The following LRRC19 variants were observed in gnomAD, a reference collection of about 807,000 sequenced individuals.
LRRC19 encodes leucine-rich repeat-containing protein 19.
In LRRC19, 33 loss-of-function variants were observed where a neutral mutation model predicts 33.3. The observed-to-expected ratio is 0.99, with a 90% confidence interval of 0.75 to 1.33. LRRC19 has a LOEUF of 1.33. LRRC19 is among the 40% of genes most tolerant of loss of function. The pLI, the probability that LRRC19 is intolerant of heterozygous loss-of-function variation, is 0.00. For synonymous variants in LRRC19, 184 were observed against 152.3 expected (o/e 1.21, Z -1.53); for missense variants, 463 against 417.3 (o/e 1.11, Z -0.95).
At chr9:26,997,143 C>T (rs1004696972) in intron 3 of LRRC19, among the ~76,000 whole-genome samples, 42 of 150,720 alleles carry the variant, frequency 2.8e-4, no homozygotes, top group African/African-American at 9.7e-4. Flanking sequence ...ACCTGGGAGG[C>T]GGAGGTTGTG....
Position 27,000,316 on chromosome 9 carries a change from A to T in LRRC19, c.-9-613T>A, listed in dbSNP as rs1487716535. Among the ~76,000 whole-genome samples, 3 of 152,340 alleles carry T rather than the reference A, an allele frequency of 2.0e-5. 1 individual carries two copies. In the Middle Eastern group the frequency reaches 0.01, roughly 518 times the overall value. ...TGTAAATTTTAAAAATTTAATATAG[A>T]AGTGCACAAAAGAAATTCAGGAAAA... On this transcript the variant is annotated intron_variant, in intron 1 of 4. Coordinates refer to ENST00000380055, the MANE Select transcript of LRRC19 (RefSeq NM_022901.3).
intron 1 of LRRC19, among the ~76,000 whole-genome samples, chr9:27,001,135 T>G (rs113957211): frequency 1.1e-3 from 175 of 152,316 alleles, no homozygotes; most frequent in African/African-American, 3.9e-3. Context: ...ATGACAGGAT[T>G]TCATTTGTTT....
chr9:26,997,356 C>CA (rs1828216688), intron 3 of LRRC19, among the ~76,000 whole-genome samples: 1 of 111,628 alleles, frequency 9.0e-6, no homozygotes, highest in Non-Finnish European at 1.7e-5. Flanking sequence ...TTTTTTGAGA[C>CA]AGAGTCTCAC....
At chr9:27,001,932 CT>C (rs1374208902) in intron 1 of LRRC19, among the ~76,000 whole-genome samples, 1 of 139,560 alleles carries the variant, frequency 7.2e-6, no homozygotes, top group African/African-American at 2.6e-5. Context: ...CCAACGTTTT[CT>C]TTTTTTCTCT....
In LRRC19 at chr9:26,999,689, T is replaced by G; in HGVS notation, c.6A>C (p.Lys2Asn). 6.2e-7 allele frequency: 1 copy of G among 1,607,744 alleles called. No individual in the cohort carries two copies. The highest frequency in any genetic ancestry group is 8.5e-7 in the Non-Finnish European group (1 of 1,176,644). The change falls in exon 2 of 5, where the codon AAA (lysine) becomes AAC (asparagine). Residue 2 changes from lysine to asparagine, a missense_variant. By Grantham distance (94) the Lys-to-Asn change is moderately conservative (BLOSUM62 0). Coordinates refer to ENST00000380055, the MANE Select transcript of LRRC19 (RefSeq NM_022901.3). M[K>N]VTGITILFWP... ...AAAAGAGGATTGTGATGCCTGTGAC[T>G]TTCATGTTGCAGACCTGATAGAAAA...
At chr9:27,001,274 C>T (rs928832783) in intron 1 of LRRC19, among the ~76,000 whole-genome samples, 1 of 152,186 alleles carries the variant, frequency 6.6e-6, no homozygotes, top group East Asian at 1.9e-4. Context: ...CATGGGAGTG[C>T]AGCTATCTCT....
rs778578642 is a variant in LRRC19, at chr9:26,995,828, C to A, written c.806G>T (p.Ser269Ile). 21 of 1,603,338 alleles carry A rather than the reference C, an allele frequency of 1.3e-5. No individual in the cohort carries two copies. In the East Asian group the frequency reaches 4.5e-4, roughly 34 times the overall value. Residue 269 changes from serine to isoleucine, a missense_variant, in exon 5 of 5, where the codon AGT (serine) becomes ATT (isoleucine). By Grantham distance (142) the Ser-to-Ile change is moderately radical. Transcript: ENST00000380055. ...AACAACACCAACAAGAAAAGCCCAA[C>A]TTTTTCCAAGAGGTTCATGTTCTTT... ...RNSEHEPLGKSWAFLVGVVVT... is the reference protein window; with the variant it reads ...RNSEHEPLGKIWAFLVGVVVT...
Position 26,995,246 on chromosome 9 carries a change from C to G in LRRC19, c.*275G>C, listed in dbSNP as rs1428778631. On this transcript the variant is annotated 3_prime_UTR_variant, in exon 5 of 5. Transcript: ENST00000380055. ...ATTTTAATTCATGAATAATTTAGACCTTTTTACTAGTTCGTATGGTCACCC... is the reference window on the plus strand; with the variant it reads ...ATTTTAATTCATGAATAATTTAGACGTTTTTACTAGTTCGTATGGTCACCC... 2 of 225,694 alleles carry G rather than the reference C, an allele frequency of 8.9e-6. No individual in the cohort carries two copies. The highest frequency in any genetic ancestry group is 9.4e-5 in the East Asian group (1 of 10,658). 14.0% of individuals were successfully genotyped at this position (225,694 alleles called of 1,614,324 possible).
intron 1 of LRRC19, among the ~76,000 whole-genome samples, chr9:27,005,121 A>G (rs1828699961): frequency 6.6e-6 from 1 of 152,092 alleles, no homozygotes; most frequent in Admixed American, 6.5e-5. Flanking sequence ...TTATTTAACT[A>G]TTGTGTAGAT....
rs1828640744 is a variant in LRRC19 at position 27,003,940 on chromosome 9, T to C, written c.-10+1652A>G. Among the ~76,000 whole-genome samples, 5 of 152,330 alleles carry C rather than the reference T, an allele frequency of 3.3e-5. No individual in the cohort carries two copies. In the South Asian group the frequency reaches 1.0e-3, roughly 32 times the overall value. ...GCTCCTTCAATGGCTTGTTTCAGTA[T>C]TTCTCAATGATGTGGTGAAATTCTT... is the stretch of plus-strand genomic sequence containing the variant. On this transcript the variant is annotated intron_variant, in intron 1 of 4. Coordinates refer to ENST00000380055, the MANE Select transcript of LRRC19 (RefSeq NM_022901.3).
chr9:26,994,204 G>C lies in LRRC19; in HGVS notation c.*1317C>G, dbSNP rs1260875845. The stretch of plus-strand genomic sequence containing the variant: ...TTAATACTTTGCTCTTGAATAATCA[G>C]AGAGCAGTTTAGCTTAGTAAAGTTT... On this transcript the variant is annotated 3_prime_UTR_variant, in exon 5 of 5. Coordinates refer to ENST00000380055, the MANE Select transcript of LRRC19 (RefSeq NM_022901.3). The C allele has an allele frequency of 6.6e-6, 1 of 152,264 alleles. No homozygotes were observed. Among genetic ancestry groups the C allele is most frequent in the Middle Eastern group, 3.4e-3 (1 of 294 alleles). The allele number at this position is 152,264 out of a possible 1,614,324, so 9.4% of individuals were successfully genotyped here.
chr9:27,003,102 A>G (rs1053093074), intron 1 of LRRC19, among the ~76,000 whole-genome samples: 1 of 152,148 alleles, frequency 6.6e-6, no homozygotes, highest in Non-Finnish European at 1.5e-5. Context: ...CACTGTTGGC[A>G]TATCTAAATT....
At chr9:27,001,531 T>A (rs1321629688) in intron 1 of LRRC19, among the ~76,000 whole-genome samples, 1 of 152,176 alleles carries the variant, frequency 6.6e-6, no homozygotes, top group African/African-American at 2.4e-5. Context: ...ATCATTGTAG[T>A]TTTGATTTGC....
In LRRC19 at chr9:26,993,838, A is replaced by G; in HGVS notation, c.*1683T>C. On this transcript the variant is annotated 3_prime_UTR_variant, in exon 5 of 5. Transcript: ENST00000380055. The stretch of plus-strand genomic sequence containing the variant: ...TCCATTCCACGTGTTATAATGAAGA[A>G]AATACCAGAAATATTATTTCACCCA... The G allele has an allele frequency of 6.6e-6, 1 of 152,196 alleles. No homozygotes were observed. The highest frequency in any genetic ancestry group is 1.9e-4 in the East Asian group (1 of 5,206). The allele number at this position is 152,196 out of a possible 1,614,324, so 9.4% of individuals were successfully genotyped here. A position where few individuals can be genotyped will look rare whatever the true frequency, so the allele number is the denominator to read the frequency against.
At position 26,994,231 on chromosome 9, in the gene LRRC19, A is replaced by G. The variant is rs2131561770; in HGVS notation, c.*1290T>C. 6.6e-6 allele frequency: 1 copy of G among 152,310 alleles called. No homozygotes were observed. The highest frequency in any genetic ancestry group is 2.1e-4 in the South Asian group (1 of 4,826). 9.4% of individuals were successfully genotyped at this position (152,310 alleles called of 1,614,324 possible). A position where few individuals can be genotyped will look rare whatever the true frequency, so the allele number is the denominator to read the frequency against. On this transcript the variant is annotated 3_prime_UTR_variant, in exon 5 of 5. Transcript: ENST00000380055. Reference sequence around the variant, plus strand: ...GAGCAGTTTAGCTTAGTAAAGTTTTACATAAATCCTATTGTAAAGAATCTT... The same window carrying G: ...GAGCAGTTTAGCTTAGTAAAGTTTTGCATAAATCCTATTGTAAAGAATCTT...
chr9:26,998,125 T>C lies in LRRC19; in HGVS notation c.198A>G (p.Thr66=), dbSNP rs1312991498. Residue 66 remains threonine, a synonymous_variant, in exon 3 of 5, where the codon ACA becomes ACG. Transcript: ENST00000380055. The part of the protein sequence containing the change: ...YNQITLNGTD[T]RVLQTYFLLT... ...GTAAAAAGTATGTCTGTAGAACTCT[T>C]GTGTCTGTACCATTAAGAGTAATTT... The C allele has an allele frequency of 6.2e-7, 1 of 1,612,756 alleles. No homozygotes were observed. The highest frequency in any genetic ancestry group is 8.5e-7 in the Non-Finnish European group (1 of 1,179,024).
intron 1 of LRRC19, among the ~76,000 whole-genome samples, chr9:27,002,894 A>G (rs1828575420): frequency 6.6e-6 from 1 of 152,064 alleles, no homozygotes; most frequent in African/African-American, 2.4e-5. Context: ...TTGATATTTT[A>G]GCAATGTTCT....
At chr9:27,003,102 A>T (rs1053093074) in intron 1 of LRRC19, among the ~76,000 whole-genome samples, 1 of 152,148 alleles carries the variant, frequency 6.6e-6, no homozygotes, top group East Asian at 1.9e-4. Context: ...CACTGTTGGC[A>T]TATCTAAATT....
chr9:27,003,800 G>A (rs1018945059), intron 1 of LRRC19, among the ~76,000 whole-genome samples: 1 of 152,166 alleles, frequency 6.6e-6, no homozygotes, highest in Non-Finnish European at 1.5e-5. Flanking sequence ...TTTAGAGCCA[G>A]AAGTGCATTT....
Sources: allele counts gnomAD v4.1 joint callset (sites outside exome capture counted in the v4.1 genomes callset), GRCh38; gene constraint gnomAD v4.1.1; transcripts MANE v1.5; gene names NCBI Gene and HGNC (gene_info 2026-07-23, HGNC 2026-07-21).